ECHS1: variants seen among roughly 807,000 people sequenced by gnomAD.
ECHS1 encodes enoyl-CoA hydratase, mitochondrial.
A neutral mutation model predicts 33.5 loss-of-function variants in ECHS1; 19 were observed. The ratio of observed to expected loss-of-function variants is 0.57; its 90% CI spans 0.40 to 0.83. ECHS1 has a LOEUF of 0.83. Among genes scored for constraint, ECHS1 ranks in the 40% least tolerant of loss-of-function variants. The pLI is 0.00. For synonymous variants in ECHS1, 158 were observed against 146.6 expected, an observed-to-expected ratio of 1.08 and a Z score of -0.56; for missense variants, 365 against 381.3, an observed-to-expected ratio of 0.96 and a Z score of 0.36.
rs761568718 is a variant in ECHS1 at position 133,369,973 on chromosome 10, C to T, written c.345G>A (p.Lys115=). The change falls in exon 3 of 8, where the codon AAG becomes AAA. Residue 115 remains lysine, a synonymous_variant. Coordinates refer to ENST00000368547, the MANE Select transcript of ECHS1 (RefSeq NM_004092.4). ...TGAGGTGGTCCCAGTGCTTCAAGAA[C>T]TTGCTGGAGTAACAGTCCTGGAAAC... ...NLSFQDCYSS[K]FLKHWDHLTQ... 1.2e-6 allele frequency: 2 copies of T among 1,613,938 alleles called. No individual in the cohort carries two copies. The highest frequency in any genetic ancestry group is 1.7e-5 in the Admixed American group (1 of 60,024).
Position 133,370,540 on chromosome 10 carries a change from G to A in ECHS1, c.286+20C>T, listed in dbSNP as rs896307004. 6.6e-6 allele frequency: 10 copies of A among 1,505,504 alleles called. No homozygotes were observed. The highest frequency in any genetic ancestry group is 2.4e-5 in the East Asian group (1 of 41,688). The allele number at this position is 1,505,504 out of a possible 1,614,324, so 93.3% of individuals were successfully genotyped here. ...CTCCCACATCTGCCCAGACACAAAG[G>A]CCTCTGCTGCCGCGCGTACCTGCAA... is the stretch of plus-strand genomic sequence containing the variant. On this transcript the variant is annotated intron_variant, in intron 2 of 7. Transcript: ENST00000368547.
rs759116540 is a variant in ECHS1 at position 133,370,627 on chromosome 10, C to T, written c.219G>A (p.Leu73=). The T allele has an allele frequency of 1.9e-6, 3 of 1,612,574 alleles. No homozygotes were observed. The highest frequency in any genetic ancestry group is 1.7e-5 in the Admixed American group (1 of 59,912). The change falls in exon 2 of 8, where the codon CTG becomes CTA. Residue 73 remains leucine, a synonymous_variant. Coordinates refer to ENST00000368547, the MANE Select transcript of ECHS1 (RefSeq NM_004092.4). ...DGLIDELNQA[L]KTFEEDPAVG... ...CGGCCGGGTCCTCCTCGAAGGTCTT[C>T]AGGGCCTGGTTGAGCTCGTCAATCA... is the stretch of plus-strand genomic sequence containing the variant.
chr10:133,370,592 A>G lies in ECHS1; in HGVS notation c.254T>C (p.Ile85Thr). The G allele has an allele frequency of 6.2e-7, 1 of 1,607,626 alleles. No homozygotes were observed. The highest frequency in any genetic ancestry group is 8.5e-7 in the Non-Finnish European group (1 of 1,177,640). ...TFEEDPAVGA[I>T]VLTGGDKAFA... ...GGCCTTATCCCCGCCGGTGAGGACA[A>G]TGGCCCCCACGGCCGGGTCCTCCTC... Residue 85 changes from isoleucine to threonine, a missense_variant, in exon 2 of 8, where the codon ATT becomes ACT. Physicochemically the swap from Ile to Thr is moderately conservative, Grantham distance 89. Transcript: ENST00000368547.
In ECHS1 at chr10:133,366,904, C is replaced by A. The variant is rs764179108; in HGVS notation, c.604G>T (p.Asp202Tyr). Reference sequence around the variant, plus strand: ...CAACCCATACCTGCTTGCTTGGCGTCCTGGGCTGAGATCCGGTCACCAGTG... The same window carrying A: ...CAACCCATACCTGCTTGCTTGGCGTACTGGGCTGAGATCCGGTCACCAGTG... ...VLTGDRISAQ[D>Y]AKQAGLVSKI... is the part of the protein sequence containing the mutation. The change falls in exon 5 of 8, where the codon GAC becomes TAC. Residue 202 changes from aspartate to tyrosine, a missense_variant. Asp to Tyr is a radical substitution (Grantham distance 160, BLOSUM62 -3). Coordinates refer to ENST00000368547, the MANE Select transcript of ECHS1 (RefSeq NM_004092.4). 1 of 1,611,870 alleles carries A rather than the reference C, an allele frequency of 6.2e-7. No homozygotes were observed. Among genetic ancestry groups the A allele is most frequent in the South Asian group, 1.1e-5 (1 of 91,082 alleles).
chr10:133,372,609 C>A lies in ECHS1; in HGVS notation c.88+637G>T, dbSNP rs530198195. Reference sequence around the variant, plus strand: ...TTGGCCAGAGGTCTTGGCACTGGGGCAGTACCAGCCAGCCGCCGGGCCTCC... The same window carrying A: ...TTGGCCAGAGGTCTTGGCACTGGGGAAGTACCAGCCAGCCGCCGGGCCTCC... On this transcript the variant is annotated intron_variant, in intron 1 of 7. Transcript: ENST00000368547. Among the ~76,000 whole-genome samples the A allele has an allele frequency of 2.0e-5, 3 of 152,106 alleles. No individual in the cohort carries two copies. The East Asian group carries it at 5.9e-4, about 30-fold the overall frequency.
At chr10:133,371,390 A>G (rs983010838) in intron 1 of ECHS1, among the ~76,000 whole-genome samples, 3 of 152,220 alleles carry the variant, frequency 2.0e-5, no homozygotes, top group Non-Finnish European at 4.4e-5. Flanking sequence ...CTCTGGAGAC[A>G]GCCCTGGACT....
intron 7 of ECHS1, among the ~76,000 whole-genome samples, chr10:133,363,652 TGG>T (rs1163976086): frequency 3.3e-5 from 5 of 152,184 alleles, no homozygotes; most frequent in Middle Eastern, 3.4e-3. Flanking sequence ...GGTGTGGTGG[TGG>T]GCACCTGTAA....
intron 5 of ECHS1, among the ~76,000 whole-genome samples, 186 bp from the exon 6 acceptor site, chr10:133,366,281 C>T (rs115721359): frequency 3.8e-4 from 58 of 152,362 alleles, no homozygotes; most frequent in African/African-American, 1.4e-3. Context: ...CTCGGCACTG[C>T]GGTCACTGTG....
At chr10:133,370,918 C>T (rs1176848917) in intron 1 of ECHS1, among the ~76,000 whole-genome samples, 161 bp from the exon 2 acceptor site, 1 of 152,120 alleles carries the variant, frequency 6.6e-6, no homozygotes, top group East Asian at 1.9e-4. Context: ...AGCTCTCAGC[C>T]ACAAGGATAG....
intron 4 of ECHS1, 114 bp from the exon 5 acceptor site, chr10:133,367,107 C>T: frequency 1.2e-6 from 1 of 825,922 alleles, no homozygotes; most frequent in Non-Finnish European, 2.0e-6. Context: ...AGACTAGGTC[C>T]AGGGGTCAGA....
rs1454282122 is a variant in ECHS1 at position 133,370,573 on chromosome 10, AT to A, written c.272del (p.Asp91ValfsTer16). The A allele has an allele frequency of 6.3e-7, 1 of 1,592,902 alleles. No homozygotes were observed. Among genetic ancestry groups the A allele is most frequent in the Non-Finnish European group, 8.5e-7 (1 of 1,170,332 alleles). On this transcript the variant is annotated frameshift_variant, in exon 2 of 8. Transcript: ENST00000368547. LOFTEE classifies it high-confidence loss of function. ...TGCCGCGCGTACCTGCAAAGGCCTT[AT>A]CCCCGCCGGTGAGGACAATGGCCCC... ...AVGAIVLTGGDKAFAAGADIK... is the reference protein window; with the variant it reads ...AVGAIVLTGGXKAFAAGADIK...
chr10:133,366,523 G>A (rs903331376), intron 5 of ECHS1, among the ~76,000 whole-genome samples: 2 of 152,280 alleles, frequency 1.3e-5, no homozygotes, highest in Admixed American at 1.3e-4. Flanking sequence ...ACAAAAGGCA[G>A]TCAGTCTTCT....
rs10745294 is a variant in ECHS1 at position 133,364,583 on chromosome 10, A to C, written c.807+75T>G. ...AGAAAGAAACGATACTTAATGATAA[A>C]ATTTAAAAGGAAATTCCCAGCAACT... On this transcript the variant is annotated intron_variant, in intron 7 of 7. Transcript: ENST00000368547. 0.97 allele frequency: 1,162,809 copies of C among 1,193,356 alleles called. 570,175 individuals are homozygous for C. The highest frequency in any genetic ancestry group is 1 in the Non-Finnish European group (801,130 of 803,080). The allele number at this position is 1,193,356 out of a possible 1,614,324, so 73.9% of individuals were successfully genotyped here. A position where few individuals can be genotyped will look rare whatever the true frequency, so the allele number is the denominator to read the frequency against.
Position 133,370,606 on chromosome 10 carries a change from C to G in ECHS1, c.240G>C (p.Pro80=). 1 of 1,610,764 alleles carries G rather than the reference C, an allele frequency of 6.2e-7. No individual in the cohort carries two copies. Among genetic ancestry groups the G allele is most frequent in the Non-Finnish European group, 8.5e-7 (1 of 1,178,976 alleles). The change falls in exon 2 of 8, where the codon CCG becomes CCC. Residue 80 remains proline, a synonymous_variant. Coordinates refer to ENST00000368547, the MANE Select transcript of ECHS1 (RefSeq NM_004092.4). ...CGGTGAGGACAATGGCCCCCACGGC[C>G]GGGTCCTCCTCGAAGGTCTTCAGGG... ...NQALKTFEED[P]AVGAIVLTGG...
In ECHS1 at chr10:133,373,299, C is replaced by T. The variant is rs748120988; in HGVS notation, c.35G>A (p.Arg12His). 9 of 1,488,006 alleles carry T rather than the reference C, an allele frequency of 6.0e-6. No individual in the cohort carries two copies. The highest frequency in any genetic ancestry group is 1.9e-4 in the Middle Eastern group (1 of 5,184). The allele number at this position is 1,488,006 out of a possible 1,614,324, so 92.2% of individuals were successfully genotyped here. ...AALRVLLSCV[R>H]GPLRPPVRCP... ...GCGAACCGGGGGCCTCAGCGGGCCG[C>T]GGACGCAGGACAGCAGGACACGCAG... Residue 12 changes from arginine (R) to histidine (H), a missense_variant, in exon 1 of 8, where the codon CGC becomes CAC. Transcript: ENST00000368547.
chr10:133,365,860 C>T, intron 6 of ECHS1, 116 bp downstream of exon 6: 6 of 1,315,840 alleles, frequency 4.6e-6, no homozygotes, highest in Non-Finnish European at 6.3e-6. Context: ...CACTGAGAAG[C>T]ATTTCTGCCC....
chr10:133,366,291 G>A (rs1849028922), intron 5 of ECHS1, among the ~76,000 whole-genome samples, 196 bp from the exon 6 acceptor site: 1 of 152,250 alleles, frequency 6.6e-6, no homozygotes, highest in African/African-American at 2.4e-5. Flanking sequence ...CGGTCACTGT[G>A]CTCTCAGACA....
intron 4 of ECHS1, 69 bp from the exon 5 acceptor site, chr10:133,367,062 G>C (rs1849044524): frequency 3.0e-6 from 4 of 1,328,264 alleles, no homozygotes; most frequent in Non-Finnish European, 3.2e-6. Context: ...CAGCTGTGCA[G>C]CCAGCAAATT....
chr10:133,367,102 A>G, intron 4 of ECHS1, 109 bp from the exon 5 acceptor site: 1 of 864,944 alleles, frequency 1.2e-6, no homozygotes, highest in Non-Finnish European at 1.8e-6. Context: ...CCCTGAGACT[A>G]GGTCCAGGGG....
Sources: gnomAD v4.1 joint callset for allele counts (sites outside exome capture counted in the v4.1 genomes callset) on GRCh38, gnomAD v4.1.1 for gene constraint, MANE v1.5 for transcripts, NCBI Gene and HGNC (gene_info 2026-07-23, HGNC 2026-07-21) for gene names.